The following IMMP2L variants were observed in gnomAD, a reference collection of about 807,000 sequenced individuals.
IMMP2L encodes the protein mitochondrial inner membrane protease subunit 2.
IMMP2L carries 18 observed loss-of-function variants against 19.3 expected under a neutral mutation model. The observed-to-expected ratio is 0.93, with a 90% CI of 0.64 to 1.38. The LOEUF is 1.38. IMMP2L is among the 40% of genes most tolerant of loss of function. The pLI is 0.00. For missense variants in IMMP2L, 233 were observed against 218.2 expected (o/e 1.07, Z -0.43); for synonymous variants, 76 against 73.0 (o/e 1.04, Z -0.21).
intron 3 of IMMP2L, among the ~76,000 whole-genome samples, chr7:111,187,579 C>A (rs1324514061): frequency 6.6e-6 from 1 of 152,104 alleles, no homozygotes; most frequent in Non-Finnish European, 1.5e-5. Flanking sequence ...CTATGCTTAG[C>A]ACAAAGTATG....
At chr7:111,092,396 G>A (rs551466487) in intron 3 of IMMP2L, among the ~76,000 whole-genome samples, 1 of 152,180 alleles carries the variant, frequency 6.6e-6, no homozygotes, top group South Asian at 2.1e-4. Flanking sequence ...GGCTTAATTC[G>A]GCTCTAATTT....
intron 3 of IMMP2L, among the ~76,000 whole-genome samples, chr7:111,294,437 T>C: frequency 6.6e-6 from 1 of 151,952 alleles, no homozygotes; most frequent in East Asian, 1.9e-4. Flanking sequence ...GGAAGTTTTT[T>C]CAAAACAATG....
rs1330332391 is a variant in IMMP2L at position 111,142,152 on chromosome 7, C to G, written c.240-178587G>C. Among the ~76,000 whole-genome samples the G allele has an allele frequency of 3.3e-5, 5 of 151,916 alleles. No individual in the cohort carries two copies. The East Asian group carries it at 9.7e-4, about 29-fold the overall frequency. On this transcript the variant is annotated intron_variant, in intron 3 of 5. Coordinates refer to ENST00000405709, the MANE Select transcript of IMMP2L (RefSeq NM_032549.4). ...ACCAGCCTGGCCAACATGGTGAAAC[C>G]TCATCTCTACTAAAAACACAAAAAT...
intron 3 of IMMP2L, among the ~76,000 whole-genome samples, chr7:111,277,680 C>G (rs1399389487): frequency 6.6e-6 from 1 of 151,900 alleles, no homozygotes. Flanking sequence ...ATGGAGATTA[C>G]TCAAAGAACT....
chr7:110,896,849 C>T (rs1175837060), intron 4 of IMMP2L, among the ~76,000 whole-genome samples: 2 of 151,824 alleles, frequency 1.3e-5, no homozygotes, highest in African/African-American at 4.8e-5. Flanking sequence ...CTTCGTTGCT[C>T]AGGCTAGAGT....
At chr7:110,950,316 C>T (rs1258977312) in intron 4 of IMMP2L, among the ~76,000 whole-genome samples, 1 of 152,056 alleles carries the variant, frequency 6.6e-6, no homozygotes, top group African/African-American at 2.4e-5. Context: ...TTTCATTGGT[C>T]TATAGGTATG....
chr7:111,160,039 G>C (rs1805080258), intron 3 of IMMP2L, among the ~76,000 whole-genome samples: 1 of 151,730 alleles, frequency 6.6e-6, no homozygotes, highest in African/African-American at 2.4e-5. Flanking sequence ...GATTCTTAAG[G>C]GTATTTTAGT....
chr7:110,912,409 T>C (rs1813150333), intron 4 of IMMP2L, among the ~76,000 whole-genome samples: 1 of 152,044 alleles, frequency 6.6e-6, no homozygotes, highest in African/African-American at 2.4e-5. Flanking sequence ...TGGGCAGAGA[T>C]AATAAATAAT....
intron 3 of IMMP2L, among the ~76,000 whole-genome samples, chr7:111,200,701 T>G (rs988413252): frequency 1.3e-5 from 2 of 152,072 alleles, no homozygotes; most frequent in African/African-American, 4.8e-5. Flanking sequence ...AATAGATAAT[T>G]TAGAGCAATA....
At chr7:110,908,329 C>T (rs1022393386) in intron 4 of IMMP2L, among the ~76,000 whole-genome samples, 1 of 152,098 alleles carries the variant, frequency 6.6e-6, no homozygotes, top group Non-Finnish European at 1.5e-5. Flanking sequence ...TATGAGAAGC[C>T]TGTGGAATAA....
chr7:111,405,851 T>G lies in IMMP2L; in HGVS notation c.239+81387A>C, dbSNP rs1461304572. On this transcript the variant is annotated intron_variant, in intron 3 of 5. Coordinates refer to ENST00000405709, the MANE Select transcript of IMMP2L (RefSeq NM_032549.4). ...TTAATTTTTATAAATAAAGTTTTATTGGAACGCAGCCACACCCATTTTCTT... is the reference window on the plus strand; with the variant it reads ...TTAATTTTTATAAATAAAGTTTTATGGGAACGCAGCCACACCCATTTTCTT... Among the ~76,000 whole-genome samples, 3 of 152,118 alleles carry G rather than the reference T, an allele frequency of 2.0e-5. No individual in the cohort carries two copies. In the East Asian group the frequency reaches 5.8e-4, roughly 29 times the overall value.
At chr7:110,830,873 T>C (rs1395257042) in intron 5 of IMMP2L, among the ~76,000 whole-genome samples, 1 of 152,194 alleles carries the variant, frequency 6.6e-6, no homozygotes, top group Non-Finnish European at 1.5e-5. Flanking sequence ...CATTACAGTA[T>C]ATGTACAATC....
intron 3 of IMMP2L, among the ~76,000 whole-genome samples, chr7:111,230,162 T>C (rs1813562319): frequency 2.0e-5 from 3 of 151,964 alleles, no homozygotes; most frequent in Non-Finnish European, 4.4e-5. Flanking sequence ...GAAAAAGAAA[T>C]GCGTGCCTAG....
chr7:110,749,858 G>A (rs1263116974), intron 5 of IMMP2L, among the ~76,000 whole-genome samples: 1 of 152,000 alleles, frequency 6.6e-6, no homozygotes, highest in Admixed American at 6.6e-5. Flanking sequence ...TAACAAACCT[G>A]CACATTCTGC....
At chr7:111,456,536 A>C (rs904406224) in intron 3 of IMMP2L, among the ~76,000 whole-genome samples, 1 of 152,184 alleles carries the variant, frequency 6.6e-6, no homozygotes, top group African/African-American at 2.4e-5. Flanking sequence ...TCTCTCTTGA[A>C]CACTAAGGTC....
chr7:111,374,567 A>G (rs375037458), intron 3 of IMMP2L, among the ~76,000 whole-genome samples: 4 of 152,262 alleles, frequency 2.6e-5, no homozygotes, highest in South Asian at 2.1e-4. Flanking sequence ...GATGAACAAC[A>G]TATCATAAGG....
At chr7:111,556,375 C>T (rs377059837) in intron 1 of IMMP2L, among the ~76,000 whole-genome samples, 1 of 151,884 alleles carries the variant, frequency 6.6e-6, no homozygotes, top group South Asian at 2.1e-4. Flanking sequence ...CTACAGTAAC[C>T]ATTTTACTAT....
chr7:111,559,750 C>T (rs1434322670), intron 1 of IMMP2L, among the ~76,000 whole-genome samples: 1 of 151,992 alleles, frequency 6.6e-6, no homozygotes, highest in East Asian at 1.9e-4. Context: ...ATGCCAGGCA[C>T]TGTTTTTTCA....
chr7:110,900,244 C>T (rs1024144573), intron 4 of IMMP2L, among the ~76,000 whole-genome samples: 1 of 152,114 alleles, frequency 6.6e-6, no homozygotes, highest in Non-Finnish European at 1.5e-5. Context: ...AAATACATCC[C>T]CTTGACACCC....
Sources: allele counts gnomAD v4.1 joint callset (sites outside exome capture counted in the v4.1 genomes callset), GRCh38; gene constraint gnomAD v4.1.1; transcripts MANE v1.5; gene names NCBI Gene and HGNC (gene_info 2026-07-23, HGNC 2026-07-21).